Variants in DNER observed in about 807,000 individuals in gnomAD.
DNER encodes the protein delta and Notch-like epidermal growth factor-related receptor.
Under a neutral mutation model 78.2 loss-of-function variants are expected in DNER, and 33 were observed. The ratio of observed to expected loss-of-function variants is 0.42; its 90% CI spans 0.32 to 0.56. The LOEUF is 0.56. DNER is among the 20% of genes least tolerant of loss of function. The pLI, the probability that DNER is intolerant of heterozygous loss-of-function variation, is 0.11. For missense variants in DNER, 918 were observed against 975.3 expected (o/e 0.94, Z 0.78); for synonymous variants, 417 against 384.8 (o/e 1.08, Z -0.98).
intron 11 of DNER, among the ~76,000 whole-genome samples, chr2:229,376,828 G>T (rs1692614356): frequency 1.3e-5 from 2 of 152,046 alleles, no homozygotes; most frequent in Admixed American, 1.3e-4. Flanking sequence ...GATAAGGAGA[G>T]ATATTAATTA....
intron 11 of DNER, among the ~76,000 whole-genome samples, chr2:229,384,432 G>C (rs1692816520): frequency 6.6e-6 from 1 of 151,966 alleles, no homozygotes; most frequent in Non-Finnish European, 1.5e-5. Flanking sequence ...GAAGGAGAGA[G>C]AGACAAGAAA....
intron 1 of DNER, among the ~76,000 whole-genome samples, chr2:229,705,757 T>C (rs984178938): frequency 5.3e-5 from 8 of 152,240 alleles, no homozygotes; most frequent in African/African-American, 1.9e-4. Context: ...GGGCCAGTTC[T>C]GTGCCAGAGA....
intron 8 of DNER, among the ~76,000 whole-genome samples, chr2:229,434,206 C>T (rs1460741141): frequency 1.3e-5 from 2 of 152,340 alleles, no homozygotes; most frequent in South Asian, 4.1e-4. Flanking sequence ...TACTTTCATT[C>T]CCCTATCACT....
At chr2:229,642,431 GAA>G (rs542094267) in intron 1 of DNER, among the ~76,000 whole-genome samples, 396 of 152,202 alleles carry the variant, frequency 2.6e-3, no homozygotes, top group Middle Eastern at 6.8e-3. Context: ...AATACTATGG[GAA>G]AAAAAGCAAA....
chr2:229,436,281 C>T (rs373154567), intron 8 of DNER, among the ~76,000 whole-genome samples: 1 of 152,248 alleles, frequency 6.6e-6, no homozygotes, highest in Non-Finnish European at 1.5e-5. Context: ...GACATGATCC[C>T]CTGCTTTTTC....
intron 1 of DNER, among the ~76,000 whole-genome samples, chr2:229,622,523 G>A (rs13389510): frequency 6.6e-6 from 1 of 152,114 alleles, no homozygotes; most frequent in African/African-American, 2.4e-5. Context: ...GTCAGCACGG[G>A]AATGCAGAGT....
chr2:229,581,126 C>T (rs1697389003), intron 4 of DNER, among the ~76,000 whole-genome samples: 1 of 152,200 alleles, frequency 6.6e-6, no homozygotes, highest in Non-Finnish European at 1.5e-5. Context: ...AAGGGGCTTT[C>T]ACCAAAGGAA....
intron 1 of DNER, among the ~76,000 whole-genome samples, chr2:229,633,557 T>C (rs1051494767): frequency 1.3e-5 from 2 of 152,244 alleles, no homozygotes; most frequent in African/African-American, 4.8e-5. Flanking sequence ...ATATAAACAA[T>C]GATTTAAGAT....
chr2:229,418,280 C>A, intron 8 of DNER, 50 bp from the exon 9 acceptor site: 8 of 1,610,048 alleles, frequency 5.0e-6, no homozygotes, highest in Non-Finnish European at 5.9e-6. Flanking sequence ...CATTTACAAC[C>A]CACGCGGGAC....
At chr2:229,387,880 T>TGTGC (rs2106335731) in intron 11 of DNER, among the ~76,000 whole-genome samples, 1 of 125,560 alleles carries the variant, frequency 8.0e-6, no homozygotes, top group Non-Finnish European at 1.8e-5. Context: ...TGTGTGTGTG[T>TGTGC]GTGTGTGTGT....
chr2:229,401,049 A>C (rs986340801), intron 10 of DNER, among the ~76,000 whole-genome samples: 4 of 152,116 alleles, frequency 2.6e-5, no homozygotes, highest in Non-Finnish European at 5.9e-5. Context: ...CAGGATATGC[A>C]GATATCAAAT....
At chr2:229,425,678 C>T (rs554775922) in intron 8 of DNER, among the ~76,000 whole-genome samples, 7 of 152,302 alleles carry the variant, frequency 4.6e-5, no homozygotes, top group African/African-American at 1.7e-4. Flanking sequence ...TTCCCTCTCC[C>T]CGCCCGTCCC....
intron 1 of DNER, among the ~76,000 whole-genome samples, chr2:229,599,378 A>G (rs1574921160): frequency 6.6e-6 from 1 of 152,342 alleles, no homozygotes; most frequent in South Asian, 2.1e-4. Context: ...AAGAACAAAA[A>G]CAATAGCCTT....
chr2:229,542,318 T>C (rs1288435305), intron 5 of DNER, among the ~76,000 whole-genome samples: 1 of 152,100 alleles, frequency 6.6e-6, no homozygotes, highest in Admixed American at 6.5e-5. Flanking sequence ...GAGAGCTCCT[T>C]GCGATGTTGA....
intron 5 of DNER, among the ~76,000 whole-genome samples, chr2:229,533,429 G>A (rs545239449): frequency 3.3e-5 from 5 of 152,124 alleles, no homozygotes; most frequent in South Asian, 2.1e-4. Flanking sequence ...GCTTTGAAGC[G>A]GTAGACTGGG....
chr2:229,499,906 CA>C (rs1472591361), intron 6 of DNER, among the ~76,000 whole-genome samples: 2 of 148,174 alleles, frequency 1.3e-5, no homozygotes, highest in African/African-American at 5.0e-5. Flanking sequence ...TAAAAATGGG[CA>C]AAAAATCTGA....
At chr2:229,478,470 G>A (rs1292485390) in intron 6 of DNER, among the ~76,000 whole-genome samples, 5 of 152,304 alleles carry the variant, frequency 3.3e-5, no homozygotes, top group East Asian at 3.9e-4. Context: ...CATTCAAGCC[G>A]TGTAGGAGAT....
At chr2:229,689,513 C>T (rs1055008427) in intron 1 of DNER, among the ~76,000 whole-genome samples, 1 of 152,042 alleles carries the variant, frequency 6.6e-6, no homozygotes, top group Admixed American at 6.6e-5. Context: ...TGTAACCTGG[C>T]AGGACATCAA....
intron 1 of DNER, among the ~76,000 whole-genome samples, chr2:229,707,239 T>C (rs1699844163): frequency 6.8e-6 from 1 of 147,224 alleles, no homozygotes; most frequent in Admixed American, 7.0e-5. Context: ...TTCACCATGT[T>C]GGCCAGGCTG....
Sources: allele counts gnomAD v4.1 joint callset (sites outside exome capture counted in the v4.1 genomes callset), GRCh38; gene constraint gnomAD v4.1.1; transcripts MANE v1.5; gene names NCBI Gene and HGNC (gene_info 2026-07-23, HGNC 2026-07-21).